The following KCNIP4 variants were observed in gnomAD, a reference collection of about 807,000 sequenced individuals.
The protein encoded by KCNIP4 is Kv channel-interacting protein 4.
Under a neutral mutation model 34.0 loss-of-function variants are expected in KCNIP4, and 12 were observed. The observed-to-expected ratio is 0.35, with a 90% CI of 0.23 to 0.57. The LOEUF is 0.57. KCNIP4 is among the 20% of genes least tolerant of loss of function. The probability of loss-of-function intolerance (pLI) is 0.83; values close to 1 mark genes in which losing one functional copy is unlikely to be tolerated. For missense variants in KCNIP4, 238 were observed against 311.7 expected (o/e 0.76, Z 1.78); for synonymous variants, 124 against 102.2 (o/e 1.21, Z -1.29).
chr4:21,773,900 G>C, intron 1 of KCNIP4, among the ~76,000 whole-genome samples: 1 of 151,932 alleles, frequency 6.6e-6, no homozygotes, highest in Non-Finnish European at 1.5e-5. Context: ...CAATTTGCCA[G>C]TCTGTGTGTT....
At chr4:21,476,668 C>G (rs1310256228) in intron 1 of KCNIP4, among the ~76,000 whole-genome samples, 1 of 152,098 alleles carries the variant, frequency 6.6e-6, no homozygotes, top group Non-Finnish European at 1.5e-5. Flanking sequence ...ATTAAGACTC[C>G]AAATCTCAAA....
chr4:21,334,774 T>C (rs1716005329), intron 1 of KCNIP4, among the ~76,000 whole-genome samples: 1 of 151,608 alleles, frequency 6.6e-6, no homozygotes, highest in Non-Finnish European at 1.5e-5. Context: ...GTATGTGATC[T>C]TTTGTGTGTG....
At chr4:20,740,037 A>G (rs1196637227) in intron 5 of KCNIP4, among the ~76,000 whole-genome samples, 3 of 152,294 alleles carry the variant, frequency 2.0e-5, no homozygotes, top group African/African-American at 2.4e-5. Context: ...GAAGAGAAGT[A>G]TAGAGAAAAA....
intron 1 of KCNIP4, among the ~76,000 whole-genome samples, chr4:21,790,969 C>CAAAAAAAAAAAAAAA (rs10560597): frequency 3.3e-5 from 3 of 89,670 alleles, no homozygotes; most frequent in Non-Finnish European, 4.4e-5. Flanking sequence ...GCGCACTCCA[C>CAAAAAAAAAAAAAAA]AAAAAAAAAA....
At chr4:21,927,902 A>G (rs182133436) in intron 1 of KCNIP4, among the ~76,000 whole-genome samples, 1 of 152,178 alleles carries the variant, frequency 6.6e-6, no homozygotes, top group African/African-American at 2.4e-5. Flanking sequence ...CACGATGAGG[A>G]TATAAGGATC....
chr4:21,839,917 G>A (rs957780827), intron 1 of KCNIP4, among the ~76,000 whole-genome samples: 6 of 151,988 alleles, frequency 3.9e-5, no homozygotes, highest in African/African-American at 1.2e-4. Context: ...TTGGATCTCC[G>A]TCTCATATAA....
chr4:21,321,742 T>G (rs956378497), intron 1 of KCNIP4, among the ~76,000 whole-genome samples: 102 of 84,668 alleles, frequency 1.2e-3, no homozygotes, highest in African/African-American at 2.0e-3. Context: ...GTGGGAGAAG[T>G]GGGGAAGGAG....
At chr4:20,738,718 C>T (rs1212635724) in intron 5 of KCNIP4, among the ~76,000 whole-genome samples, 1 of 152,162 alleles carries the variant, frequency 6.6e-6, no homozygotes, top group South Asian at 2.1e-4. Context: ...ACTGAGGTAC[C>T]AGGTTCATCT....
chr4:21,295,831 A>G (rs1327809832), intron 1 of KCNIP4, among the ~76,000 whole-genome samples: 8 of 152,080 alleles, frequency 5.3e-5, no homozygotes, highest in Admixed American at 3.3e-4. Context: ...CTTCCCCAAT[A>G]GTATATACAT....
chr4:21,469,064 G>A (rs1730236799), intron 1 of KCNIP4, among the ~76,000 whole-genome samples: 1 of 151,776 alleles, frequency 6.6e-6, no homozygotes, highest in South Asian at 2.1e-4. Context: ...ATTTATTTAT[G>A]TTATTATTAT....
intron 1 of KCNIP4, among the ~76,000 whole-genome samples, chr4:21,246,031 G>A (rs1184136948): frequency 6.6e-6 from 1 of 152,088 alleles, no homozygotes; most frequent in Admixed American, 6.6e-5. Context: ...AAAAAAGGAG[G>A]ATTTTTTTTA....
intron 1 of KCNIP4, among the ~76,000 whole-genome samples, chr4:21,411,258 T>C (rs1044414799): frequency 1.3e-5 from 2 of 152,116 alleles, no homozygotes; most frequent in African/African-American, 4.8e-5. Flanking sequence ...GTCAAGAGGC[T>C]TTCTTGGGAG....
At chr4:20,915,145 A>T (rs1298026132) in intron 1 of KCNIP4, among the ~76,000 whole-genome samples, 4 of 152,226 alleles carry the variant, frequency 2.6e-5, no homozygotes, top group Admixed American at 2.0e-4. Flanking sequence ...TCAAAGCGCC[A>T]ACAAACGCTA....
At chr4:20,930,312 G>A (rs1391515274) in intron 1 of KCNIP4, among the ~76,000 whole-genome samples, 1 of 152,006 alleles carries the variant, frequency 6.6e-6, no homozygotes, top group Non-Finnish European at 1.5e-5. Context: ...GCAACATGCA[G>A]AAGAATGAAA....
chr4:21,475,007 CA>C (rs59228123), intron 1 of KCNIP4, among the ~76,000 whole-genome samples: 1,990 of 96,048 alleles, frequency 0.021, 61 homozygotes, highest in African/African-American at 0.066. Flanking sequence ...TCTCGAAAAA[CA>C]AAAAAAAAAG....
chr4:21,763,140 G>A (rs1577956446), intron 1 of KCNIP4: 1 of 1,266,682 alleles, frequency 7.9e-7, no homozygotes, highest in East Asian at 5.6e-5. Flanking sequence ...TTCCTTCACT[G>A]TGGTTGAATT....
chr4:21,630,936 T>C (rs1256937467), intron 1 of KCNIP4, among the ~76,000 whole-genome samples: 2 of 152,214 alleles, frequency 1.3e-5, no homozygotes, highest in Non-Finnish European at 2.9e-5. Flanking sequence ...GAACACCATA[T>C]GGTACTTCCC....
intron 1 of KCNIP4, among the ~76,000 whole-genome samples, chr4:21,052,791 G>A (rs1560679467): frequency 6.6e-6 from 1 of 152,134 alleles, no homozygotes; most frequent in Non-Finnish European, 1.5e-5. Context: ...TCAAAGCTGT[G>A]ACCATCACTG....
chr4:20,997,426 G>T (rs945961703), intron 1 of KCNIP4, among the ~76,000 whole-genome samples: 7 of 152,162 alleles, frequency 4.6e-5, no homozygotes, highest in Admixed American at 2.0e-4. Context: ...GGTATCAAAG[G>T]TGATCTTAAC....
Sources: gnomAD v4.1 joint callset for allele counts (sites outside exome capture counted in the v4.1 genomes callset) on GRCh38, gnomAD v4.1.1 for gene constraint, MANE v1.5 for transcripts, NCBI Gene and HGNC (gene_info 2026-07-23, HGNC 2026-07-21) for gene names.